The following LUZP2 variants were observed in gnomAD, a reference collection of about 807,000 sequenced individuals.
The protein encoded by LUZP2 is leucine zipper protein 2.
LUZP2 carries 52 observed loss-of-function variants against 51.6 expected under a neutral mutation model. The ratio of observed to expected loss-of-function variants is 1.01; its 90% CI spans 0.81 to 1.27. LUZP2 has a LOEUF of 1.27. Ranked by LOEUF, LUZP2 falls within the 50% of genes most tolerant of loss-of-function variation. The pLI is 0.00. For missense variants in LUZP2, 436 were observed against 395.4 expected (o/e 1.10, Z -0.87); for synonymous variants, 154 against 137.3 (o/e 1.12, Z -0.85).
At chr11:24,873,986 A>AG (rs11439094) in intron 5 of LUZP2, among the ~76,000 whole-genome samples, 61,996 of 151,958 alleles carry the variant, frequency 0.41, 14,668 homozygotes, top group East Asian at 0.65. Flanking sequence ...CATAGAAAAA[A>AG]AAGATCAACC....
intron 5 of LUZP2, among the ~76,000 whole-genome samples, chr11:24,785,402 A>G (rs572703128): frequency 7.6e-4 from 115 of 152,170 alleles, no homozygotes; most frequent in African/African-American, 2.6e-3. Flanking sequence ...GCCATCTTCA[A>G]TTGCAAGTGT....
intron 5 of LUZP2, among the ~76,000 whole-genome samples, chr11:24,904,690 G>T (rs1476404950): frequency 1.3e-5 from 2 of 152,160 alleles, no homozygotes; most frequent in African/African-American, 4.8e-5. Flanking sequence ...TTGCAAATAC[G>T]TTCTCCCATC....
At chr11:25,077,663 AT>A (rs1346594501) in intron 11 of LUZP2, among the ~76,000 whole-genome samples, 2 of 150,212 alleles carry the variant, frequency 1.3e-5, no homozygotes, top group Non-Finnish European at 3.0e-5. Flanking sequence ...CCACGCCCAA[AT>A]TTTTTGTATT....
intron 7 of LUZP2, among the ~76,000 whole-genome samples, chr11:24,956,532 C>G (rs1470822386): frequency 1.3e-5 from 2 of 152,070 alleles, no homozygotes; most frequent in Non-Finnish European, 2.9e-5. Flanking sequence ...TTTATACATG[C>G]TGTTTTGGAG....
chr11:24,760,587 C>A (rs1366459925), intron 4 of LUZP2, among the ~76,000 whole-genome samples: 1 of 152,030 alleles, frequency 6.6e-6, no homozygotes, highest in Non-Finnish European at 1.5e-5. Flanking sequence ...TGTTCTTTTG[C>A]CATAAAAAGT....
At chr11:24,781,798 T>C (rs1354357704) in intron 5 of LUZP2, among the ~76,000 whole-genome samples, 1 of 152,034 alleles carries the variant, frequency 6.6e-6, no homozygotes, top group Non-Finnish European at 1.5e-5. Flanking sequence ...ACTTATAATA[T>C]CTTCCTTACC....
intron 1 of LUZP2, among the ~76,000 whole-genome samples, chr11:24,725,051 T>G (rs957777573): frequency 6.6e-6 from 1 of 152,186 alleles, no homozygotes; most frequent in Admixed American, 6.5e-5. Context: ...ATAATTATAA[T>G]GCAAATGCAA....
Position 25,023,561 on chromosome 11 carries a change from A to G in LUZP2, c.766-26477A>G, listed in dbSNP as rs941136089. 4.7e-5 allele frequency among the ~76,000 whole-genome samples: 5 copies of G among 106,552 alleles called. No individual in the cohort carries two copies. In the East Asian group the frequency reaches 8.2e-4, roughly 18 times the overall value. The allele number at this position is 106,552 out of a possible 152,430, so 69.9% of individuals were successfully genotyped here. ...CTTCTTTATTAATCTTGCTAGCGGTATATCAATTTTCAAAAAAACCAGCTC... is the reference window on the plus strand; with the variant it reads ...CTTCTTTATTAATCTTGCTAGCGGTGTATCAATTTTCAAAAAAACCAGCTC... On this transcript the variant is annotated intron_variant, in intron 9 of 11. Coordinates refer to ENST00000336930, the MANE Select transcript of LUZP2 (RefSeq NM_001009909.4).
intron 1 of LUZP2, among the ~76,000 whole-genome samples, chr11:24,626,581 A>G (rs2133917350): frequency 6.6e-6 from 1 of 152,296 alleles, no homozygotes; most frequent in South Asian, 2.1e-4. Context: ...GAGACCAGAA[A>G]TCAATGAAAC....
intron 9 of LUZP2, among the ~76,000 whole-genome samples, chr11:25,015,936 T>TC (rs1565231236): frequency 1.3e-5 from 2 of 151,526 alleles, no homozygotes; most frequent in African/African-American, 4.9e-5. Flanking sequence ...TTATTTTTTT[T>TC]TTGAGATGGA....
intron 9 of LUZP2, among the ~76,000 whole-genome samples, chr11:24,997,646 G>A (rs1365038720): frequency 1.3e-5 from 2 of 151,808 alleles, no homozygotes; most frequent in African/African-American, 2.4e-5. Context: ...TGTCAATTTT[G>A]GCTTTTGTTG....
At chr11:24,756,534 C>T (rs990939211) in intron 4 of LUZP2, among the ~76,000 whole-genome samples, 1 of 152,120 alleles carries the variant, frequency 6.6e-6, no homozygotes, top group Non-Finnish European at 1.5e-5. Flanking sequence ...AGGTTCTTCA[C>T]CCCCTGCTCT....
At chr11:24,644,737 G>A (rs140733983) in intron 1 of LUZP2, among the ~76,000 whole-genome samples, 28 of 152,150 alleles carry the variant, frequency 1.8e-4, no homozygotes, top group African/African-American at 6.5e-4. Flanking sequence ...AGAAATGAAG[G>A]CAACAGACTT....
At chr11:24,602,116 A>ATATG (rs1231986794) in intron 1 of LUZP2, among the ~76,000 whole-genome samples, 3 of 72,720 alleles carry the variant, frequency 4.1e-5, no homozygotes, top group African/African-American at 5.9e-5. Flanking sequence ...ATGTGTATAT[A>ATATG]TGTATATATG....
Position 24,608,771 on chromosome 11 carries a change from T to G in LUZP2, c.62+111466T>G, listed in dbSNP as rs80008606. On this transcript the variant is annotated intron_variant, in intron 1 of 11. Coordinates refer to ENST00000336930, the MANE Select transcript of LUZP2 (RefSeq NM_001009909.4). The stretch of plus-strand genomic sequence containing the variant: ...CTAATACAAACTATAGACTTAAATT[T>G]TTTAAAAAAGTATTTCAGTATGATA... Among the ~76,000 whole-genome samples, 41 of 152,318 alleles carry G rather than the reference T, an allele frequency of 2.7e-4. No homozygotes were observed. The East Asian group carries it at 6.4e-3, about 24-fold the overall frequency.
At chr11:24,863,281 G>A (rs1851792383) in intron 5 of LUZP2, among the ~76,000 whole-genome samples, 2 of 152,048 alleles carry the variant, frequency 1.3e-5, no homozygotes, top group Non-Finnish European at 2.9e-5. Flanking sequence ...TTTCAAAATA[G>A]CCTAAAAGTG....
At chr11:24,805,734 A>G (rs1849836674) in intron 5 of LUZP2, among the ~76,000 whole-genome samples, 1 of 152,106 alleles carries the variant, frequency 6.6e-6, no homozygotes, top group Non-Finnish European at 1.5e-5. Context: ...TTTAGGTTGG[A>G]TTTCCCCTGA....
At chr11:25,042,987 G>C (rs1858122085) in intron 9 of LUZP2, among the ~76,000 whole-genome samples, 1 of 152,130 alleles carries the variant, frequency 6.6e-6, no homozygotes, top group South Asian at 2.1e-4. Context: ...AGCATGATCT[G>C]GTAGAATTAG....
chr11:24,766,635 T>C (rs1183435343), intron 5 of LUZP2, among the ~76,000 whole-genome samples: 1 of 152,200 alleles, frequency 6.6e-6, no homozygotes, highest in Non-Finnish European at 1.5e-5. Context: ...TAGTGTGCTT[T>C]GTTAGAAGTC....
Sources: gnomAD v4.1 joint callset for allele counts (sites outside exome capture counted in the v4.1 genomes callset) on GRCh38, gnomAD v4.1.1 for gene constraint, MANE v1.5 for transcripts, NCBI Gene and HGNC (gene_info 2026-07-23, HGNC 2026-07-21) for gene names.